Variants in MINDY4 observed in about 807,000 individuals in gnomAD.
MINDY4 encodes the protein probable ubiquitin carboxyl-terminal hydrolase MINDY-4.
A neutral mutation model predicts 87.0 loss-of-function variants in MINDY4; 68 were observed. That is an observed-to-expected ratio of 0.78 (90% CI 0.64 to 0.96). The LOEUF (loss-of-function observed/expected upper bound fraction) is 0.96, where lower values mean the gene tolerates loss of function less well. Among genes scored for constraint, MINDY4 ranks in the 40% least tolerant of loss-of-function variants. MINDY4 has a pLI of 0.00. For synonymous variants in MINDY4, 379 were observed against 363.2 expected (o/e 1.04, Z -0.50); for missense variants, 919 against 928.2 (o/e 0.99, Z 0.13).
At chr7:30,794,654 T>A (rs1482318901) in intron 5 of MINDY4, among the ~76,000 whole-genome samples, 1 of 152,178 alleles carries the variant, frequency 6.6e-6, no homozygotes, top group Non-Finnish European at 1.5e-5. Context: ...TTTTTGTTTT[T>A]CTTCTGTGCC....
At chr7:30,789,932 C>G (rs1182965733) in intron 4 of MINDY4, among the ~76,000 whole-genome samples, 1 of 152,168 alleles carries the variant, frequency 6.6e-6, no homozygotes. Context: ...AAAAACTAAG[C>G]AAATCTTGAG....
chr7:30,839,541 C>T lies in MINDY4; in HGVS notation c.1356+225C>T, dbSNP rs144573901. Among the ~76,000 whole-genome samples the T allele has an allele frequency of 1.3e-3, 202 of 152,310 alleles. 2 individuals are homozygous for T. Among genetic ancestry groups the T allele is most frequent in the African/African-American group, 4.8e-3 (198 of 41,558 alleles). On this transcript the variant is annotated intron_variant, in intron 8 of 17. Transcript: ENST00000265299. Reference sequence around the variant, plus strand: ...CTGCTTTGGAGATGTTAAAATTGAACATGGATTTAAGGAGCACTTGCTGTG... The same window carrying T: ...CTGCTTTGGAGATGTTAAAATTGAATATGGATTTAAGGAGCACTTGCTGTG...
chr7:30,861,643 A>G (rs1415580406), intron 13 of MINDY4, among the ~76,000 whole-genome samples: 1 of 152,218 alleles, frequency 6.6e-6, no homozygotes, highest in Non-Finnish European at 1.5e-5. Context: ...GGGAGTGGGA[A>G]TTCCTGCCTC....
chr7:30,891,423 CA>C (rs59047510), intron 17 of MINDY4, among the ~76,000 whole-genome samples: 1 of 151,996 alleles, frequency 6.6e-6, no homozygotes, highest in Non-Finnish European at 1.5e-5. Flanking sequence ...CAAAACAAAA[CA>C]AAAAACTGTC....
intron 5 of MINDY4, among the ~76,000 whole-genome samples, chr7:30,812,752 C>T (rs1028415043): frequency 1.3e-5 from 2 of 152,286 alleles, no homozygotes; most frequent in African/African-American, 4.8e-5. Context: ...TTCCCACCCC[C>T]CTTTTCCAGA....
intron 5 of MINDY4, among the ~76,000 whole-genome samples, chr7:30,814,871 C>T (rs1303827610): frequency 3.9e-5 from 6 of 152,180 alleles, no homozygotes; most frequent in Non-Finnish European, 8.8e-5. Context: ...AGAGCTGTTT[C>T]GAACATGTGG....
chr7:30,885,853 C>T (rs956508685), intron 17 of MINDY4, among the ~76,000 whole-genome samples: 13 of 152,174 alleles, frequency 8.5e-5, no homozygotes, highest in Admixed American at 4.6e-4. Context: ...TCCATGTCTG[C>T]GAGAACTTTG....
At chr7:30,878,371 G>A (rs1790345436) in intron 15 of MINDY4, among the ~76,000 whole-genome samples, 1 of 152,092 alleles carries the variant, frequency 6.6e-6, no homozygotes, top group Non-Finnish European at 1.5e-5. Context: ...GTGTACCTGG[G>A]GTAAACAGAT....
chr7:30,854,777 G>C (rs1789521811), intron 12 of MINDY4, among the ~76,000 whole-genome samples: 1 of 152,216 alleles, frequency 6.6e-6, no homozygotes, highest in Non-Finnish European at 1.5e-5. Flanking sequence ...ATCAGGCCCT[G>C]GCAGCACCAG....
At chr7:30,835,915 A>G (rs762416589) in intron 6 of MINDY4, among the ~76,000 whole-genome samples, 15 of 152,220 alleles carry the variant, frequency 9.9e-5, no homozygotes, top group Non-Finnish European at 1.5e-4. Flanking sequence ...TCTAGGCCTC[A>G]GTTGTCCCAC....
At chr7:30,857,796 G>C (rs1789624213) in intron 12 of MINDY4, 2 of 152,116 alleles carry the variant, frequency 1.3e-5, no homozygotes, top group Admixed American at 1.3e-4. Flanking sequence ...GCATCCTCTT[G>C]GCACAGAAAT....
chr7:30,885,783 T>C (rs1790617109), intron 17 of MINDY4, among the ~76,000 whole-genome samples: 1 of 145,636 alleles, frequency 6.9e-6, no homozygotes, highest in Non-Finnish European at 1.5e-5. Context: ...CCATAGGCAC[T>C]GGGCCAGGGG....
At chr7:30,803,310 C>G (rs1370500070) in intron 5 of MINDY4, 1 of 152,078 alleles carries the variant, frequency 6.6e-6, no homozygotes, top group Non-Finnish European at 1.5e-5. Context: ...CAGAATTATT[C>G]CAATAAATAA....
At chr7:30,815,270 C>A (rs952867665) in intron 5 of MINDY4, among the ~76,000 whole-genome samples, 1 of 152,242 alleles carries the variant, frequency 6.6e-6, no homozygotes, top group African/African-American at 2.4e-5. Flanking sequence ...GGGACAGGGC[C>A]AAGGCTGTAG....
Position 30,771,434 on chromosome 7 carries a change from C to G in MINDY4, c.-60C>G. On this transcript the variant is annotated 5_prime_UTR_variant, in exon 1 of 18. Transcript: ENST00000265299. Reference sequence around the variant, plus strand: ...ACGCGGCCATACTGCGCCGGACAGACCCAGTTGCCTGGTGCTGCGGCCCGG... The same window carrying G: ...ACGCGGCCATACTGCGCCGGACAGAGCCAGTTGCCTGGTGCTGCGGCCCGG... The G allele has an allele frequency of 6.4e-7, 1 of 1,552,030 alleles. No homozygotes were observed. The highest frequency in any genetic ancestry group is 8.7e-7 in the Non-Finnish European group (1 of 1,143,132).
intron 14 of MINDY4, 122 bp from the exon 15 acceptor site, chr7:30,875,373 A>T: frequency 9.0e-7 from 1 of 1,107,558 alleles, no homozygotes; most frequent in Non-Finnish European, 1.4e-6. Flanking sequence ...CTCTGCTCTC[A>T]GGCTCTCTCC....
chr7:30,813,353 T>C (rs574342640), intron 5 of MINDY4, among the ~76,000 whole-genome samples: 75 of 152,336 alleles, frequency 4.9e-4, no homozygotes, highest in African/African-American at 1.7e-3. Flanking sequence ...AATCCCCAGG[T>C]CCTGAATTCT....
rs557823974 is a variant in MINDY4 at position 30,823,178 on chromosome 7, C to T, written c.1074-5501C>T. 2.6e-3 allele frequency among the ~76,000 whole-genome samples: 388 copies of T among 152,148 alleles called. 3 individuals carry two copies. The highest frequency in any genetic ancestry group is 9.0e-3 in the African/African-American group (373 of 41,502). On this transcript the variant is annotated intron_variant, in intron 5 of 17. Transcript: ENST00000265299. The stretch of plus-strand genomic sequence containing the variant: ...ATGCTAAGTTGGATCACTCTGTTAA[C>T]GTGGTGTATGTCACTCTGTCTATCA...
At chr7:30,778,612 C>T (rs1326010686) in intron 2 of MINDY4, 61 bp downstream of exon 2, 1 of 1,591,576 alleles carries the variant, frequency 6.3e-7, no homozygotes, top group African/African-American at 1.3e-5. Context: ...TGCCAAAGCA[C>T]TCATGGGCCC....
Sources: allele counts gnomAD v4.1 joint callset (sites outside exome capture counted in the v4.1 genomes callset), GRCh38; gene constraint gnomAD v4.1.1; transcripts MANE v1.5; gene names NCBI Gene and HGNC (gene_info 2026-07-23, HGNC 2026-07-21).